The following AGBL1 variants were observed in gnomAD, a reference collection of about 807,000 sequenced individuals.
AGBL1 encodes AGBL carboxypeptidase 1.
Under a neutral mutation model 118.9 loss-of-function variants are expected in AGBL1, and 130 were observed. That is an observed-to-expected ratio of 1.09 (90% CI 0.95 to 1.26). The LOEUF is 1.26. Among genes scored for constraint, AGBL1 ranks in the 50% most tolerant of loss-of-function variants. The pLI is 0.00. For missense variants in AGBL1, 1,584 were observed against 1,298.1 expected (o/e 1.22, Z -3.38); for synonymous variants, 555 against 478.9 (o/e 1.16, Z -2.08).
At chr15:86,845,004 T>G (rs1245404299) in intron 22 of AGBL1, among the ~76,000 whole-genome samples, 1 of 152,148 alleles carries the variant, frequency 6.6e-6, no homozygotes, top group Non-Finnish European at 1.5e-5. Flanking sequence ...TAAGCATATA[T>G]GTAAGAATTT....
chr15:86,549,131 G>A (rs1409966235), intron 20 of AGBL1, among the ~76,000 whole-genome samples: 6 of 152,152 alleles, frequency 3.9e-5, no homozygotes, highest in Admixed American at 2.6e-4. Flanking sequence ...CTAACACTGG[G>A]AGTTACATTT....
At chr15:86,349,773 C>G (rs1247689590) in intron 17 of AGBL1, among the ~76,000 whole-genome samples, 3 of 152,144 alleles carry the variant, frequency 2.0e-5, no homozygotes, top group Non-Finnish European at 4.4e-5. Flanking sequence ...CCTGTCAACT[C>G]AGCAAAGAAG....
chr15:86,489,332 C>A (rs977948738), intron 18 of AGBL1, among the ~76,000 whole-genome samples: 2 of 152,086 alleles, frequency 1.3e-5, no homozygotes, highest in Non-Finnish European at 2.9e-5. Context: ...ACTGTCAAAT[C>A]TGTTTGGATC....
intron 7 of AGBL1, among the ~76,000 whole-genome samples, chr15:86,248,537 CA>C (rs747699745): frequency 1.3e-5 from 2 of 151,516 alleles, no homozygotes; most frequent in South Asian, 2.1e-4. Context: ...TGAGGTTCTT[CA>C]AAAAAAAGCA....
chr15:86,573,316 C>A (rs533349868), intron 21 of AGBL1, among the ~76,000 whole-genome samples: 2 of 152,284 alleles, frequency 1.3e-5, no homozygotes, highest in East Asian at 1.9e-4. Flanking sequence ...GTAGAACTGA[C>A]AACTTCCATG....
At chr15:86,361,170 T>A (rs2080799812) in intron 17 of AGBL1, among the ~76,000 whole-genome samples, 1 of 152,044 alleles carries the variant, frequency 6.6e-6, no homozygotes, top group African/African-American at 2.4e-5. Context: ...TTTGTTTTTG[T>A]CCATTTCAAA....
At chr15:86,301,863 A>G (rs1861905342) in intron 17 of AGBL1, among the ~76,000 whole-genome samples, 1 of 152,184 alleles carries the variant, frequency 6.6e-6, no homozygotes, top group African/African-American at 2.4e-5. Context: ...GTATTGACAC[A>G]GCTTTGCTTT....
chr15:86,508,660 G>A (rs917725513), intron 18 of AGBL1, among the ~76,000 whole-genome samples: 1 of 151,856 alleles, frequency 6.6e-6, no homozygotes, highest in African/African-American at 2.4e-5. Context: ...CTATATTGAT[G>A]ATCCAATTAG....
At chr15:86,682,560 T>A (rs1361726018) in intron 22 of AGBL1, among the ~76,000 whole-genome samples, 1 of 152,158 alleles carries the variant, frequency 6.6e-6, no homozygotes, top group Non-Finnish European at 1.5e-5. Flanking sequence ...TAAAAATCTC[T>A]CATTTGATCC....
chr15:86,660,134 C>T (rs193076725), intron 21 of AGBL1, among the ~76,000 whole-genome samples: 127 of 151,740 alleles, frequency 8.4e-4, no homozygotes, highest in African/African-American at 2.9e-3. Context: ...GCAAGAAAGA[C>T]GGTTTCCTGC....
chr15:86,998,235 T>C (rs944288962), intron 24 of AGBL1, among the ~76,000 whole-genome samples: 4 of 152,206 alleles, frequency 2.6e-5, no homozygotes, highest in Non-Finnish European at 5.9e-5. Flanking sequence ...CTTCAGTGAC[T>C]GGATACAAAA....
intron 17 of AGBL1, among the ~76,000 whole-genome samples, chr15:86,371,936 C>T (rs1316559874): frequency 1.3e-5 from 2 of 152,118 alleles, no homozygotes; most frequent in African/African-American, 2.4e-5. Context: ...CCTGCACTCC[C>T]GGCAGTGGCC....
At chr15:86,118,311 A>T (rs1254182107) in intron 1 of AGBL1, among the ~76,000 whole-genome samples, 2 of 152,144 alleles carry the variant, frequency 1.3e-5, no homozygotes, top group Admixed American at 6.6e-5. Flanking sequence ...TAAAAGTCCA[A>T]ATTGGCAGGT....
intron 22 of AGBL1, among the ~76,000 whole-genome samples, chr15:86,759,030 A>G (rs1471174206): frequency 6.6e-6 from 1 of 151,844 alleles, no homozygotes; most frequent in Non-Finnish European, 1.5e-5. Flanking sequence ...ATGAGAGTAG[A>G]GAGCATGATT....
chr15:87,026,046 T>C (rs900757875), intron 24 of AGBL1, among the ~76,000 whole-genome samples: 14 of 151,550 alleles, frequency 9.2e-5, no homozygotes, highest in African/African-American at 2.7e-4. Flanking sequence ...ACCTGAAAAT[T>C]AAAATTCTAG....
intron 18 of AGBL1, among the ~76,000 whole-genome samples, chr15:86,398,301 G>C (rs903793711): frequency 3.3e-5 from 5 of 152,144 alleles, no homozygotes; most frequent in Admixed American, 2.0e-4. Context: ...AGTCACACAG[G>C]TGGTGCATGA....
chr15:86,454,429 T>G (rs1404211164), intron 18 of AGBL1, among the ~76,000 whole-genome samples: 1 of 152,084 alleles, frequency 6.6e-6, no homozygotes, highest in Non-Finnish European at 1.5e-5. Flanking sequence ...CCAAGAGCAA[T>G]AAAAACATGT....
chr15:86,520,171 G>A (rs2083169310), intron 18 of AGBL1, among the ~76,000 whole-genome samples: 1 of 152,174 alleles, frequency 6.6e-6, no homozygotes, highest in Non-Finnish European at 1.5e-5. Context: ...TGTAGTCAAA[G>A]TTGTGCTATG....
intron 23 of AGBL1, among the ~76,000 whole-genome samples, chr15:86,984,652 C>T (rs938475787): frequency 6.6e-6 from 1 of 152,092 alleles, no homozygotes; most frequent in African/African-American, 2.4e-5. Flanking sequence ...GCGTGAGCCA[C>T]CACGCCCGGC....
Sources: gnomAD v4.1 joint callset for allele counts (sites outside exome capture counted in the v4.1 genomes callset) on GRCh38, gnomAD v4.1.1 for gene constraint, MANE v1.5 for transcripts, NCBI Gene and HGNC (gene_info 2026-07-23, HGNC 2026-07-21) for gene names.